ZCCHC2: variants seen among roughly 807,000 people sequenced by gnomAD.
ZCCHC2 encodes the protein zinc finger CCHC domain-containing protein 2.
Under a neutral mutation model 103.6 loss-of-function variants are expected in ZCCHC2, and 39 were observed. That is an observed-to-expected ratio of 0.38 (90% CI 0.29 to 0.49). The LOEUF (loss-of-function observed/expected upper bound fraction) is 0.49. Ranked by LOEUF, ZCCHC2 falls within the 20% of genes least tolerant of loss-of-function variation. The pLI is 0.96. For missense variants in ZCCHC2, 1,483 were observed against 1,491.0 expected (o/e 0.99, Z 0.09); for synonymous variants, 687 against 608.9 (o/e 1.13, Z -1.89).
intron 1 of ZCCHC2, among the ~76,000 whole-genome samples, chr18:62,539,030 C>T (rs947276549): frequency 6.6e-6 from 1 of 152,136 alleles, no homozygotes; most frequent in African/African-American, 2.4e-5. Flanking sequence ...TTGTATGTGA[C>T]AGTGCTTGAT....
intron 4 of ZCCHC2, among the ~76,000 whole-genome samples, chr18:62,546,133 GA>G (rs1915395673): frequency 6.6e-6 from 1 of 152,202 alleles, no homozygotes; most frequent in Non-Finnish European, 1.5e-5. Context: ...CTCATTTCCA[GA>G]TGCTAGAGGC....
rs1426784216 is a variant in ZCCHC2, at chr18:62,523,867, C to G, written c.443C>G (p.Ser148Trp). The G allele has an allele frequency of 2.6e-6, 4 of 1,544,142 alleles. No homozygotes were observed. Among genetic ancestry groups the G allele is most frequent in the Non-Finnish European group, 3.5e-6 (4 of 1,146,132 alleles). Residue 148 changes from serine to tryptophan, a missense_variant, in exon 1 of 14, where the codon TCG becomes TGG. Ser to Trp is a radical substitution (Grantham distance 177). Coordinates refer to ENST00000269499, the MANE Select transcript of ZCCHC2 (RefSeq NM_017742.6). ...AAGGACTACCACTACCTGCGCGACT[C>G]GGAGGCCAAGGCCAACGGCCTCTCG... ...ARKDYHYLRDSEAKANGLSDP... is the reference protein window; with the variant it reads ...ARKDYHYLRDWEAKANGLSDP...
rs1043161196 is a variant in ZCCHC2 at position 62,574,166 on chromosome 18, A to T, written c.2085A>T (p.Ser695=). 6.2e-7 allele frequency: 1 copy of T among 1,613,960 alleles called. No individual in the cohort carries two copies. The highest frequency in any genetic ancestry group is 2.2e-5 in the East Asian group (1 of 44,900). ...VTVKPPVQIA[S]LGNENGNLLE... ...TCAAGCCACCTGTTCAAATTGCTTCACTAGGAAATGAGAATGGAAACCTTT... is the reference window on the plus strand; with the variant it reads ...TCAAGCCACCTGTTCAAATTGCTTCTCTAGGAAATGAGAATGGAAACCTTT... Residue 695 remains serine (S), a synonymous_variant, in exon 13 of 14, where the codon TCA becomes TCT. Transcript: ENST00000269499.
At chr18:62,567,955 A>AAAAAAAAAAAAAAAAAAAAAAAAAAAAG (rs1568555841) in intron 11 of ZCCHC2, among the ~76,000 whole-genome samples, 6 of 150,058 alleles carry the variant, frequency 4.0e-5, no homozygotes, top group African/African-American at 1.5e-4. Flanking sequence ...AAAAAAAAAA[A>AAAAAAAAAAAAAAAAAAAAAAAAAAAAG]AAAAGAATGC....
At chr18:62,575,667 G>T in intron 13 of ZCCHC2, 117 bp downstream of exon 13, 1 of 1,273,190 alleles carries the variant, frequency 7.9e-7, no homozygotes, top group Middle Eastern at 2.8e-4. Flanking sequence ...TTCGTTTATG[G>T]ATATTGTTTT....
At chr18:62,556,081 G>A in intron 5 of ZCCHC2, 122 bp from the exon 6 acceptor site, 1 of 696,452 alleles carries the variant, frequency 1.4e-6, no homozygotes. Context: ...CTTTTCTATA[G>A]GAAAAATATT....
intron 4 of ZCCHC2, among the ~76,000 whole-genome samples, chr18:62,548,890 ACTCCAGCCTCGG>A (rs1223787820): frequency 6.7e-6 from 1 of 148,180 alleles, no homozygotes; most frequent in Non-Finnish European, 1.5e-5. Context: ...ATGCCACTGC[ACTCCAGCCTCGG>A]TGACAGAGCA....
chr18:62,530,541 C>G (rs146554489), intron 1 of ZCCHC2, among the ~76,000 whole-genome samples: 92 of 151,962 alleles, frequency 6.1e-4, no homozygotes, highest in African/African-American at 1.9e-3. Context: ...TAATAAAAAT[C>G]CTTATAGTGG....
rs1253496324 is a variant in ZCCHC2, at chr18:62,578,320, T to C, written c.*1741T>C. On this transcript the variant is annotated 3_prime_UTR_variant, in exon 14 of 14. Transcript: ENST00000269499. ...TAATTGTTAAGCTGCAGTTGAGTTG[T>C]TCAAGTGAGAGTTTTGATAAGCCAC... The C allele has an allele frequency of 6.6e-6, 1 of 152,658 alleles. No individual in the cohort carries two copies. Among genetic ancestry groups the C allele is most frequent in the Non-Finnish European group, 1.5e-5 (1 of 68,038 alleles). 9.5% of individuals were successfully genotyped at this position (152,658 alleles called of 1,614,324 possible).
At chr18:62,544,456 G>C (rs1167453626) in intron 3 of ZCCHC2, among the ~76,000 whole-genome samples, 1 of 152,128 alleles carries the variant, frequency 6.6e-6, no homozygotes, top group Non-Finnish European at 1.5e-5. Flanking sequence ...TCTTTTGAGT[G>C]GCAAAGATTT....
chr18:62,564,750 G>T (rs539159482), intron 10 of ZCCHC2, 115 bp downstream of exon 10: 2 of 870,066 alleles, frequency 2.3e-6, no homozygotes, highest in East Asian at 2.8e-5. Flanking sequence ...TTTTAATTCT[G>T]GGTTTTACTC....
At chr18:62,535,599 A>G (rs1181209021) in intron 1 of ZCCHC2, among the ~76,000 whole-genome samples, 2 of 152,146 alleles carry the variant, frequency 1.3e-5, no homozygotes, top group Non-Finnish European at 1.5e-5. Flanking sequence ...GTGGTCCATC[A>G]AGTGCGGCTG....
At chr18:62,573,296 C>A (rs1916662796) in intron 12 of ZCCHC2, among the ~76,000 whole-genome samples, 1 of 152,086 alleles carries the variant, frequency 6.6e-6, no homozygotes, top group South Asian at 2.1e-4. Flanking sequence ...TTATCCTTGT[C>A]CCCTTTATAC....
chr18:62,556,117 C>T (rs1915873687), intron 5 of ZCCHC2, 86 bp from the exon 6 acceptor site: 3 of 1,053,620 alleles, frequency 2.8e-6, no homozygotes, highest in Non-Finnish European at 2.7e-6. Context: ...TAAACTGCCA[C>T]TTCATTCTGC....
At chr18:62,524,514 A>C (rs953036672) in intron 1 of ZCCHC2, 151 bp downstream of exon 1, 1 of 1,267,012 alleles carries the variant, frequency 7.9e-7, no homozygotes, top group Non-Finnish European at 1.0e-6. Flanking sequence ...CAGAGGGCTG[A>C]GCTTCGTCTC....
Position 62,576,531 on chromosome 18 carries a change from C to T in ZCCHC2, c.3489C>T (p.Tyr1163=), listed in dbSNP as rs777502638. Residue 1163 remains tyrosine, a synonymous_variant, in exon 14 of 14, where the codon TAC becomes TAT. Transcript: ENST00000269499. ...TTTTAGGCACTTACAGACTGAGATA[C>T]GCACCTCCCCTCCCCCCTTCTAATG... ...ANQQGTYRLR[Y]APPLPPSNDT... is the part of the protein sequence containing the mutation. 38 of 1,613,614 alleles carry T rather than the reference C, an allele frequency of 2.4e-5. No homozygotes were observed. Among genetic ancestry groups the T allele is most frequent in the South Asian group, 4.4e-5 (4 of 91,010 alleles).
downstream of ZCCHC2, among the ~76,000 whole-genome samples, chr18:62,579,811 C>T (rs1916992188): frequency 6.6e-6 from 1 of 152,126 alleles, no homozygotes; most frequent in Non-Finnish European, 1.5e-5. Flanking sequence ...GAACCTCCAC[C>T]TCCCGGGTTC....
At position 62,523,376 on chromosome 18, in the gene ZCCHC2, G is replaced by GGGGGGGGGGGCC; in HGVS notation, c.-49_-48insGGGGGGGGGGCC. 6 of 1,012,330 alleles carry GGGGGGGGGGGCC rather than the reference G, an allele frequency of 5.9e-6. No individual in the cohort carries two copies. Among genetic ancestry groups the GGGGGGGGGGGCC allele is most frequent in the Non-Finnish European group, 7.1e-6 (6 of 848,966 alleles). 62.7% of individuals were successfully genotyped at this position (1,012,330 alleles called of 1,614,324 possible). A position where few individuals can be genotyped will look rare whatever the true frequency, so the allele number is the denominator to read the frequency against. On this transcript the variant is annotated 5_prime_UTR_variant, in exon 1 of 14. Coordinates refer to ENST00000269499, the MANE Select transcript of ZCCHC2 (RefSeq NM_017742.6). ...GCCTCGGCCCGTGCTCCACCTCGCG[G>GGGGGGGGGGGCC]CCCCTCCCGCCCGCCCCCGCTCGCA...
At chr18:62,534,519 G>A (rs1468303074) in intron 1 of ZCCHC2, among the ~76,000 whole-genome samples, 2 of 152,178 alleles carry the variant, frequency 1.3e-5, no homozygotes, top group Non-Finnish European at 2.9e-5. Context: ...GAGGGGTGGT[G>A]TGAGTCAGAT....
Sources: allele counts gnomAD v4.1 joint callset (sites outside exome capture counted in the v4.1 genomes callset), GRCh38; gene constraint gnomAD v4.1.1; transcripts MANE v1.5; gene names NCBI Gene and HGNC (gene_info 2026-07-23, HGNC 2026-07-21).